The following GOLPH3 variants were observed in gnomAD, a reference collection of about 807,000 sequenced individuals.
GOLPH3 encodes the protein golgi phosphoprotein 3.
A neutral mutation model predicts 28.5 loss-of-function variants in GOLPH3; 14 were observed. The ratio of observed to expected loss-of-function variants is 0.49; its 90% CI spans 0.32 to 0.77. GOLPH3 has a LOEUF of 0.77. Ranked by LOEUF, GOLPH3 falls within the 30% of genes least tolerant of loss-of-function variation. The pLI, the probability that GOLPH3 is intolerant of heterozygous loss-of-function variation, is 0.03. For missense variants in GOLPH3, 350 were observed against 393.7 expected (o/e 0.89, Z 0.94); for synonymous variants, 158 against 159.2 (o/e 0.99, Z 0.06).
intron 1 of GOLPH3, among the ~76,000 whole-genome samples, chr5:32,148,502 T>G (rs1047146763): frequency 6.6e-6 from 1 of 152,224 alleles, no homozygotes; most frequent in African/African-American, 2.4e-5. Context: ...GGCTTTCTAA[T>G]AGAAATATAG....
intron 2 of GOLPH3, among the ~76,000 whole-genome samples, chr5:32,141,236 C>T (rs1746053678): frequency 6.6e-6 from 1 of 150,994 alleles, no homozygotes; most frequent in South Asian, 2.1e-4. Flanking sequence ...GCTTATTAAT[C>T]AAGATGCATT....
At chr5:32,143,637 A>C in intron 2 of GOLPH3, 112 bp downstream of exon 2, 2 of 949,392 alleles carry the variant, frequency 2.1e-6, no homozygotes, top group East Asian at 2.8e-5. Flanking sequence ...CAATTGAAGA[A>C]AGACAACTTT....
intron 1 of GOLPH3, among the ~76,000 whole-genome samples, 157 bp from the exon 2 acceptor site, chr5:32,144,037 T>C (rs925801541): frequency 2.6e-5 from 4 of 152,192 alleles, no homozygotes; most frequent in African/African-American, 4.8e-5. Flanking sequence ...TAACATAAAT[T>C]ACTAATCGAG....
chr5:32,140,895 C>T (rs921356892), intron 2 of GOLPH3, among the ~76,000 whole-genome samples: 1 of 151,872 alleles, frequency 6.6e-6, no homozygotes, highest in Non-Finnish European at 1.5e-5. Context: ...GGCATGATAG[C>T]TCACGCCTGT....
chr5:32,138,124 G>C (rs533098991), intron 2 of GOLPH3, among the ~76,000 whole-genome samples: 14 of 152,088 alleles, frequency 9.2e-5, no homozygotes, highest in South Asian at 6.2e-4. Context: ...GGCTGGTCTT[G>C]AACTCCTGAC....
At chr5:32,154,130 G>A (rs1376831013) in intron 1 of GOLPH3, among the ~76,000 whole-genome samples, 1 of 151,996 alleles carries the variant, frequency 6.6e-6, no homozygotes, top group South Asian at 2.1e-4. Flanking sequence ...GAAACACAAT[G>A]AATATATATA....
chr5:32,135,062 G>A (rs185822952), intron 3 of GOLPH3, among the ~76,000 whole-genome samples: 4,873 of 152,248 alleles, frequency 0.032, 158 homozygotes, highest in East Asian at 0.17. Flanking sequence ...TCTGATCAAT[G>A]AAACATGAAC....
chr5:32,156,817 C>A (rs1746440336), intron 1 of GOLPH3, among the ~76,000 whole-genome samples: 1 of 152,186 alleles, frequency 6.6e-6, no homozygotes, highest in Non-Finnish European at 1.5e-5. Context: ...GCTTGCCCGC[C>A]CCTCACCTCC....
intron 1 of GOLPH3, among the ~76,000 whole-genome samples, chr5:32,167,876 T>C (rs1411661077): frequency 6.6e-6 from 1 of 152,028 alleles, no homozygotes; most frequent in Non-Finnish European, 1.5e-5. Context: ...ATTGCTTGAG[T>C]TCAGGAGGTC....
chr5:32,157,033 T>G (rs1242816548), intron 1 of GOLPH3, among the ~76,000 whole-genome samples: 1 of 152,236 alleles, frequency 6.6e-6, no homozygotes, highest in Non-Finnish European at 1.5e-5. Flanking sequence ...GATTACGTTT[T>G]AAAAGTTCCC....
chr5:32,164,743 T>G (rs1440527643), intron 1 of GOLPH3, among the ~76,000 whole-genome samples: 1 of 151,940 alleles, frequency 6.6e-6, no homozygotes, highest in African/African-American at 2.4e-5. Flanking sequence ...TTTCACTCCC[T>G]TGGCAATGAC....
chr5:32,132,362 A>T (rs1745842159), intron 3 of GOLPH3, among the ~76,000 whole-genome samples: 1 of 152,130 alleles, frequency 6.6e-6, no homozygotes, highest in Non-Finnish European at 1.5e-5. Flanking sequence ...CCTTGGCTTC[A>T]CGGCAAGGAA....
intron 1 of GOLPH3, among the ~76,000 whole-genome samples, chr5:32,154,375 T>G (rs555115432): frequency 3.3e-5 from 5 of 152,380 alleles, no homozygotes; most frequent in Admixed American, 3.3e-4. Context: ...TTAAACAAGT[T>G]CTAGTGGCAG....
rs1745638604 is a variant in GOLPH3, at chr5:32,124,799, C to G, written c.*1413G>C. ...TATTAGGGAATCCCTTAAAATTCAA[C>G]TCTAGAGTTATACACCATCTAGTAC... On this transcript the variant is annotated 3_prime_UTR_variant, in exon 4 of 4. Transcript: ENST00000265070. 6.6e-6 allele frequency: 1 copy of G among 152,514 alleles called. No homozygotes were observed. The highest frequency in any genetic ancestry group is 2.4e-5 in the African/African-American group (1 of 41,444). 9.4% of individuals were successfully genotyped at this position (152,514 alleles called of 1,614,324 possible).
At position 32,154,576 on chromosome 5, in the gene GOLPH3, G is replaced by A. The variant is rs1045298614; in HGVS notation, c.226-10696C>T. Among the ~76,000 whole-genome samples, 7 of 152,236 alleles carry A rather than the reference G, an allele frequency of 4.6e-5. No homozygotes were observed. The East Asian group carries it at 1.2e-3, about 25-fold the overall frequency. On this transcript the variant is annotated intron_variant, in intron 1 of 3. Coordinates refer to ENST00000265070, the MANE Select transcript of GOLPH3 (RefSeq NM_022130.4). ...ATGTAGATGTTAACTTTCAGGTATAGGTCACTAAAAATAAATTAATTTTTC... is the reference window on the plus strand; with the variant it reads ...ATGTAGATGTTAACTTTCAGGTATAAGTCACTAAAAATAAATTAATTTTTC...
chr5:32,139,242 A>G (rs1454638191), intron 2 of GOLPH3, among the ~76,000 whole-genome samples: 1 of 152,238 alleles, frequency 6.6e-6, no homozygotes, highest in Non-Finnish European at 1.5e-5. Flanking sequence ...AATTGTTTAT[A>G]CAGCATTTAC....
At position 32,174,292 on chromosome 5, in the gene GOLPH3, G is replaced by C; in HGVS notation, c.-258C>G. 1 of 335,468 alleles carries C rather than the reference G, an allele frequency of 3.0e-6. No individual in the cohort carries two copies. Among genetic ancestry groups the C allele is most frequent in the Non-Finnish European group, 5.4e-6 (1 of 186,066 alleles). 20.8% of individuals were successfully genotyped at this position (335,468 alleles called of 1,614,324 possible). A position where few individuals can be genotyped will look rare whatever the true frequency, so the allele number is the denominator to read the frequency against. ...CCCGAAACACCCCGAGCTCCAAGGC[G>C]GAGGCGGCGGCGGCGCCTTTCCAAT... On this transcript the variant is annotated 5_prime_UTR_variant, in exon 1 of 4. Transcript: ENST00000265070.
At chr5:32,170,559 T>TA (rs879365734) in intron 1 of GOLPH3, among the ~76,000 whole-genome samples, 3 of 152,138 alleles carry the variant, frequency 2.0e-5, no homozygotes, top group Non-Finnish European at 4.4e-5. Flanking sequence ...TCCTGCCTCC[T>TA]AAAAAGAGTA....
In GOLPH3 at chr5:32,156,228, T is replaced by C. The variant is rs567012932; in HGVS notation, c.226-12348A>G. 8.5e-5 allele frequency among the ~76,000 whole-genome samples: 13 copies of C among 152,132 alleles called. No homozygotes were observed. The South Asian group carries it at 1.5e-3, about 17-fold the overall frequency. Reference sequence around the variant, plus strand: ...AATTCCTGTTGTTAGCTGGGCACAGTAGCTCATGCCTGTAATCCCAGCACT... The same window carrying C: ...AATTCCTGTTGTTAGCTGGGCACAGCAGCTCATGCCTGTAATCCCAGCACT... On this transcript the variant is annotated intron_variant, in intron 1 of 3. Coordinates refer to ENST00000265070, the MANE Select transcript of GOLPH3 (RefSeq NM_022130.4).
Sources: allele counts gnomAD v4.1 joint callset (sites outside exome capture counted in the v4.1 genomes callset), GRCh38; gene constraint gnomAD v4.1.1; transcripts MANE v1.5; gene names NCBI Gene and HGNC (gene_info 2026-07-23, HGNC 2026-07-21).